Variants in OSBPL10 observed in about 807,000 individuals in gnomAD.
OSBPL10 encodes the protein oxysterol-binding protein-related protein 10.
Under a neutral mutation model 81.7 loss-of-function variants are expected in OSBPL10, and 49 were observed. The observed-to-expected ratio is 0.60, with a 90% CI of 0.48 to 0.76. The LOEUF is 0.76. Among genes scored for constraint, OSBPL10 ranks in the 30% least tolerant of loss-of-function variants. The pLI, the probability that OSBPL10 is intolerant of heterozygous loss-of-function variation, is 0.00. For synonymous variants in OSBPL10, 419 were observed against 383.6 expected, an observed-to-expected ratio of 1.09 and a Z score of -1.08; for missense variants, 923 against 987.8, an observed-to-expected ratio of 0.93 and a Z score of 0.88.
intron 4 of OSBPL10, among the ~76,000 whole-genome samples, chr3:31,821,185 T>C: frequency 6.6e-6 from 1 of 151,824 alleles, no homozygotes; most frequent in African/African-American, 2.4e-5. Context: ...AGTTGGACAA[T>C]GAGTTGAGGA....
intron 7 of OSBPL10, among the ~76,000 whole-genome samples, chr3:31,694,776 C>T (rs570380362): frequency 2.6e-5 from 4 of 152,020 alleles, no homozygotes; most frequent in African/African-American, 4.8e-5. Flanking sequence ...TTTTTTGAGA[C>T]GGACTTTCAC....
rs1363157359 is a variant in OSBPL10, at chr3:32,031,465, T to TTA, written n.298+15025_298+15026insTA. Reference sequence around the variant, plus strand: ...AACCTGAAAGGCTTCTTAAATAATTTTTTTTTTTTTTTTCGAGACAGAGTC... The same window carrying TTA: ...AACCTGAAAGGCTTCTTAAATAATTTTATTTTTTTTTTTTTCGAGACAGAGTC... On this transcript the variant is annotated intron_variant and non_coding_transcript_variant, in intron 2 of 3. Transcript: ENST00000479173. Among the ~76,000 whole-genome samples the TTA allele has an allele frequency of 1.6e-3, 197 of 121,706 alleles. 3 individuals carry two copies. The highest frequency in any genetic ancestry group is 8.6e-3 in the Middle Eastern group (2 of 232). 79.8% of individuals were successfully genotyped at this position (121,706 alleles called of 152,430 possible).
At chr3:31,725,533 TGA>T (rs755566590) in intron 6 of OSBPL10, among the ~76,000 whole-genome samples, 1 of 152,172 alleles carries the variant, frequency 6.6e-6, no homozygotes, top group Non-Finnish European at 1.5e-5. Flanking sequence ...TATCCCATGA[TGA>T]GAGACCCTCA....
chr3:31,864,660 GTGCTTGGGGAGC>G (rs1701133771), intron 3 of OSBPL10, among the ~76,000 whole-genome samples: 1 of 152,104 alleles, frequency 6.6e-6, no homozygotes, highest in Admixed American at 6.5e-5. Flanking sequence ...GGTGTGCAGG[GTGCTTGGGGAGC>G]TGTTTGTCTA....
chr3:31,675,292 A>G (rs565271225), intron 8 of OSBPL10, among the ~76,000 whole-genome samples: 77 of 152,330 alleles, frequency 5.1e-4, no homozygotes, highest in Middle Eastern at 3.4e-3. Context: ...TCATAAATAT[A>G]AACTTTGTAG....
intron 1 of OSBPL10, among the ~76,000 whole-genome samples, chr3:31,966,169 G>C (rs985509699): frequency 2.7e-4 from 35 of 127,594 alleles, no homozygotes; most frequent in African/African-American, 9.5e-4. Flanking sequence ...GTGTGTGTGT[G>C]TGTGTGTGTG....
chr3:31,926,084 G>A (rs1339040754), intron 1 of OSBPL10, among the ~76,000 whole-genome samples: 2 of 152,076 alleles, frequency 1.3e-5, no homozygotes, highest in Non-Finnish European at 2.9e-5. Context: ...ATAAAGTATT[G>A]TATTTCTAGT....
chr3:31,681,599 GCAT>G (rs1700644001), intron 8 of OSBPL10, among the ~76,000 whole-genome samples: 1 of 152,118 alleles, frequency 6.6e-6, no homozygotes, highest in Admixed American at 6.5e-5. Context: ...GGAGTAACCA[GCAT>G]CATGTGATGC....
intron 4 of OSBPL10, among the ~76,000 whole-genome samples, chr3:31,788,717 G>A (rs999195072): frequency 9.2e-5 from 14 of 152,080 alleles, no homozygotes; most frequent in Admixed American, 6.5e-5. Context: ...GTTCAAGGTT[G>A]CATTGAGCTA....
At chr3:31,962,665 A>G (rs886374479) in intron 1 of OSBPL10, among the ~76,000 whole-genome samples, 1 of 152,150 alleles carries the variant, frequency 6.6e-6, no homozygotes, top group Non-Finnish European at 1.5e-5. Flanking sequence ...CTCCCATTAC[A>G]CTAAGTTGTA....
At chr3:31,847,160 T>A (rs1213491344) in intron 3 of OSBPL10, among the ~76,000 whole-genome samples, 1 of 150,766 alleles carries the variant, frequency 6.6e-6, no homozygotes, top group Non-Finnish European at 1.5e-5. Flanking sequence ...CATCTCAGCC[T>A]CCACTCACAA....
intron 1 of OSBPL10, among the ~76,000 whole-genome samples, chr3:31,951,544 G>T (rs549808498): frequency 3.0e-3 from 457 of 151,914 alleles, no homozygotes; most frequent in Non-Finnish European, 5.9e-3. Flanking sequence ...AGAGTGAATG[G>T]TGAGCTCATG....
intron 1 of OSBPL10, among the ~76,000 whole-genome samples, chr3:31,921,940 C>T (rs866767857): frequency 4.5e-4 from 69 of 152,170 alleles, no homozygotes; most frequent in African/African-American, 1.6e-3. Context: ...TCTGAAAACA[C>T]ATAACCCTCA....
chr3:31,780,790 CA>C (rs1296029338), intron 4 of OSBPL10, among the ~76,000 whole-genome samples: 2 of 152,048 alleles, frequency 1.3e-5, no homozygotes, highest in Non-Finnish European at 2.9e-5. Context: ...AGACCAATAA[CA>C]AGTAGTGAGA....
chr3:31,786,888 G>A (rs932144443), intron 4 of OSBPL10, among the ~76,000 whole-genome samples: 1 of 152,166 alleles, frequency 6.6e-6, no homozygotes, highest in African/African-American at 2.4e-5. Context: ...ACCAGCAGCA[G>A]CAGCTTTTTA....
At chr3:31,965,828 A>AATATATAATATATAATATCTATT (rs1559535383) in intron 1 of OSBPL10, among the ~76,000 whole-genome samples, 1 of 82,394 alleles carries the variant, frequency 1.2e-5, no homozygotes, top group Non-Finnish European at 2.0e-5. Context: ...TATTATATAA[A>AATATATAATATATAATATCTATT]TATATAATAT....
intron 6 of OSBPL10, among the ~76,000 whole-genome samples, chr3:31,712,693 A>T (rs182560441): frequency 1.8e-3 from 279 of 152,368 alleles, no homozygotes; most frequent in Non-Finnish European, 3.1e-3. Context: ...CTGACTTCTT[A>T]TGCAGAACTA....
chr3:31,797,528 G>A (rs377528651), intron 4 of OSBPL10, among the ~76,000 whole-genome samples: 21 of 152,208 alleles, frequency 1.4e-4, no homozygotes, highest in Admixed American at 3.9e-4. Flanking sequence ...CATGCAAACC[G>A]TTTAACCTCC....
chr3:31,684,222 G>A, intron 7 of OSBPL10, 108 bp from the exon 8 acceptor site: 2 of 1,419,288 alleles, frequency 1.4e-6, no homozygotes, highest in Non-Finnish European at 1.9e-6. Flanking sequence ...AACATCTCCA[G>A]CCAGGGAGCA....
Sources: gnomAD v4.1 joint callset for allele counts (sites outside exome capture counted in the v4.1 genomes callset) on GRCh38, gnomAD v4.1.1 for gene constraint, MANE v1.5 for transcripts, NCBI Gene and HGNC (gene_info 2026-07-23, HGNC 2026-07-21) for gene names.